The following FBXW7 variants were observed in gnomAD, a reference collection of about 807,000 sequenced individuals.
FBXW7 encodes F-box and WD repeat domain containing 7.
In FBXW7, 11 loss-of-function variants were observed where a neutral mutation model predicts 86.3. The observed-to-expected ratio is 0.13, with a 90% CI of 0.08 to 0.21. FBXW7 has a LOEUF of 0.21. Among genes scored for constraint, FBXW7 ranks in the 10% least tolerant of loss-of-function variants. The pLI is 1.00. For missense variants in FBXW7, 488 were observed against 847.4 expected (o/e 0.58, Z 5.27); for synonymous variants, 313 against 297.9 (o/e 1.05, Z -0.52).
chr4:152,435,098 G>A (rs1740269065), intron 2 of FBXW7, among the ~76,000 whole-genome samples: 2 of 146,316 alleles, frequency 1.4e-5, no homozygotes, highest in African/African-American at 5.0e-5. Context: ...GGAGGGGAGG[G>A]GAGGGGTTTC....
At chr4:152,349,894 A>G (rs547927367) in intron 5 of FBXW7, 148 bp downstream of exon 5, 2 of 403,066 alleles carry the variant, frequency 5.0e-6, no homozygotes, top group East Asian at 7.4e-5. Context: ...TTAAAATGAT[A>G]TAGTTCTCAA....
intron 7 of FBXW7, among the ~76,000 whole-genome samples, chr4:152,336,092 T>C (rs1730065151): frequency 1.3e-5 from 2 of 152,180 alleles, no homozygotes; most frequent in South Asian, 4.1e-4. Flanking sequence ...TATATCATTA[T>C]TTATCCACTT....
chr4:152,322,774 T>C lies in FBXW7; in HGVS notation c.*107A>G. On this transcript the variant is annotated 3_prime_UTR_variant, in exon 14 of 14. Coordinates refer to ENST00000281708, the MANE Select transcript of FBXW7 (RefSeq NM_001349798.2). ...GCCCCAAGCCAACATCCTGCACCAC[T>C]GAGAACAAGGGATTTTTTTCTTTTT... 6.6e-7 allele frequency: 1 copy of C among 1,521,680 alleles called. No homozygotes were observed. Among genetic ancestry groups the C allele is most frequent in the Non-Finnish European group, 8.8e-7 (1 of 1,139,092 alleles). 94.3% of individuals were successfully genotyped at this position (1,521,680 alleles called of 1,614,324 possible). A position where few individuals can be genotyped will look rare whatever the true frequency, so the allele number is the denominator to read the frequency against.
chr4:152,458,815 G>T (rs897320123), intron 2 of FBXW7, among the ~76,000 whole-genome samples: 1 of 152,170 alleles, frequency 6.6e-6, no homozygotes, highest in Non-Finnish European at 1.5e-5. Flanking sequence ...AAGGGAGGTG[G>T]GGGTAGGATC....
intron 6 of FBXW7, among the ~76,000 whole-genome samples, chr4:152,344,417 C>A (rs1731054122): frequency 6.6e-6 from 1 of 152,068 alleles, no homozygotes; most frequent in Non-Finnish European, 1.5e-5. Flanking sequence ...AATACTATAC[C>A]TGCAGGGGTA....
At chr4:152,410,387 G>C (rs1051845453) in intron 4 of FBXW7, among the ~76,000 whole-genome samples, 1 of 152,192 alleles carries the variant, frequency 6.6e-6, no homozygotes, top group African/African-American at 2.4e-5. Flanking sequence ...GAGATCCAAA[G>C]CTACTGCTTC....
Position 152,326,187 on chromosome 4 carries a change from A to G in FBXW7, c.1463T>C (p.Ile488Thr), listed in dbSNP as rs1222797439. The change falls in exon 12 of 14, where the codon ATT becomes ACT. Residue 488 changes from isoleucine (I) to threonine (T), a missense_variant. By Grantham distance (89) the Ile-to-Thr change is moderately conservative. Coordinates refer to ENST00000281708, the MANE Select transcript of FBXW7 (RefSeq NM_001349798.2). ...AACATGTAAACACTGGCCTGTCTCA[A>G]TATCCCAAACCCTAAGAGTGGCATC... ...SRDATLRVWD[I>T]ETGQCLHVLM... 1 of 1,613,346 alleles carries G rather than the reference A, an allele frequency of 6.2e-7. No individual in the cohort carries two copies.
At chr4:152,424,027 T>C (rs1739165384) in intron 2 of FBXW7, among the ~76,000 whole-genome samples, 3 of 152,164 alleles carry the variant, frequency 2.0e-5, no homozygotes, top group African/African-American at 7.2e-5. Context: ...CCTTGGGAGA[T>C]GCTTTTACTT....
chr4:152,431,195 T>C (rs1354588446), intron 2 of FBXW7, among the ~76,000 whole-genome samples: 1 of 152,214 alleles, frequency 6.6e-6, no homozygotes, highest in African/African-American at 2.4e-5. Context: ...AAAAGCAGTG[T>C]GGATATACCT....
chr4:152,324,391 C>A lies in FBXW7; in HGVS notation c.1648G>T (p.Asp550Tyr). The A allele has an allele frequency of 6.3e-7, 1 of 1,584,348 alleles. No individual in the cohort carries two copies. The highest frequency in any genetic ancestry group is 8.6e-7 in the Non-Finnish European group (1 of 1,162,790). Residue 550 changes from aspartate to tyrosine, a missense_variant, in exon 13 of 14, where the codon GAT becomes TAT. By Grantham distance (160) the Asp-to-Tyr change is radical (BLOSUM62 -3). This residue lies in a region of FBXW7 where 142 missense variants were observed against 406.6 expected (regional missense o/e 0.35). Coordinates refer to ENST00000281708, the MANE Select transcript of FBXW7 (RefSeq NM_001349798.2). The part of the protein sequence containing the change: ...HTNRVYSLQF[D>Y]GIHVVSGSLD... ...GATCCACTCACCACATGGATACCATCAAACTACAAAAGACACAGTTTATTA... is the reference window on the plus strand; with the variant it reads ...GATCCACTCACCACATGGATACCATAAAACTACAAAAGACACAGTTTATTA...
intron 8 of FBXW7, among the ~76,000 whole-genome samples, chr4:152,332,328 C>T (rs545971015): frequency 2.6e-5 from 4 of 152,062 alleles, no homozygotes; most frequent in African/African-American, 4.8e-5. Context: ...AATATAATTT[C>T]GGGGTTTCCT....
intron 2 of FBXW7, among the ~76,000 whole-genome samples, chr4:152,489,132 GT>G (rs1745613588): frequency 6.6e-6 from 1 of 151,900 alleles, no homozygotes; most frequent in South Asian, 2.1e-4. Flanking sequence ...AAACACCAAG[GT>G]AAATTCAGAA....
chr4:152,442,172 C>T (rs1740952206), intron 2 of FBXW7, among the ~76,000 whole-genome samples: 2 of 152,280 alleles, frequency 1.3e-5, no homozygotes, highest in Admixed American at 6.5e-5. Flanking sequence ...TCTGAGGTTT[C>T]CAACTTCTCA....
chr4:152,335,420 A>G (rs182954742), intron 7 of FBXW7, among the ~76,000 whole-genome samples: 3 of 152,044 alleles, frequency 2.0e-5, no homozygotes, highest in Non-Finnish European at 4.4e-5. Context: ...GTGAGCTATG[A>G]TCATTCCACT....
chr4:152,467,976 C>T (rs946133308), intron 2 of FBXW7, among the ~76,000 whole-genome samples: 2 of 141,728 alleles, frequency 1.4e-5, no homozygotes, highest in Admixed American at 1.4e-4. Flanking sequence ...AAAAGATAAT[C>T]TTTTTTTTTT....
chr4:152,384,548 T>C (rs767890737), intron 4 of FBXW7, among the ~76,000 whole-genome samples: 1 of 152,052 alleles, frequency 6.6e-6, no homozygotes, highest in African/African-American at 2.4e-5. Context: ...TAGTGTTTAG[T>C]TGGCACAGAG....
chr4:152,416,847 G>A (rs536709173), intron 2 of FBXW7, among the ~76,000 whole-genome samples: 1 of 151,994 alleles, frequency 6.6e-6, no homozygotes, highest in South Asian at 2.1e-4. Flanking sequence ...TTTTGTTTTG[G>A]CTAAATTTAA....
At chr4:152,440,399 A>T (rs1261665775) in intron 2 of FBXW7, among the ~76,000 whole-genome samples, 1 of 152,222 alleles carries the variant, frequency 6.6e-6, no homozygotes, top group Non-Finnish European at 1.5e-5. Flanking sequence ...TTCTTCACTA[A>T]GCAGAACAAT....
chr4:152,328,700 T>G (rs916028100), intron 10 of FBXW7: 1 of 178,570 alleles, frequency 5.6e-6, no homozygotes, highest in African/African-American at 2.4e-5. Flanking sequence ...CTGGCCTCTT[T>G]GATGAAATAA....
Sources: allele counts gnomAD v4.1 joint callset (sites outside exome capture counted in the v4.1 genomes callset), GRCh38; gene constraint gnomAD v4.1.1; regional missense constraint gnomAD v4.1.1; transcripts MANE v1.5; gene names NCBI Gene and HGNC (gene_info 2026-07-23, HGNC 2026-07-21).